Variants in RFX2 observed in about 807,000 individuals in gnomAD.
RFX2 encodes DNA-binding protein RFX2.
Under a neutral mutation model 87.8 loss-of-function variants are expected in RFX2, and 20 were observed. The observed-to-expected ratio is 0.23, with a 90% CI of 0.16 to 0.33. RFX2 has a LOEUF of 0.33. Ranked by LOEUF, RFX2 falls within the 10% of genes least tolerant of loss-of-function variation. The pLI, the probability that RFX2 is intolerant of heterozygous loss-of-function variation, is 1.00. For missense variants in RFX2, 767 were observed against 1,012.3 expected (o/e 0.76, Z 3.29); for synonymous variants, 397 against 431.3 (o/e 0.92, Z 0.98).
At chr19:6,096,320 T>C (rs1000333568) in intron 1 of RFX2, among the ~76,000 whole-genome samples, 3 of 152,236 alleles carry the variant, frequency 2.0e-5, no homozygotes, top group Non-Finnish European at 4.4e-5. Context: ...TGTGATACCC[T>C]GCAGGTTTCA....
At chr19:6,087,875 A>G (rs1212814671) in intron 1 of RFX2, among the ~76,000 whole-genome samples, 1 of 152,212 alleles carries the variant, frequency 6.6e-6, no homozygotes, top group African/African-American at 2.4e-5. Flanking sequence ...GATGGGTTAC[A>G]GGTGCTGGGT....
chr19:6,014,581 G>A (rs2086700279), intron 7 of RFX2, among the ~76,000 whole-genome samples: 1 of 152,118 alleles, frequency 6.6e-6, no homozygotes, highest in Non-Finnish European at 1.5e-5. Context: ...CAGACAGCCT[G>A]GGCCCTTTCT....
intron 1 of RFX2, among the ~76,000 whole-genome samples, chr19:6,058,570 C>T (rs1464994977): frequency 2.0e-5 from 3 of 150,848 alleles, no homozygotes; most frequent in African/African-American, 4.9e-5. Flanking sequence ...GCCTAAGCCA[C>T]GGGGGTGCCC....
At position 6,026,593 on chromosome 19, in the gene RFX2, G is replaced by C. The variant is rs1353589798; in HGVS notation, c.523-356C>G. Reference sequence around the variant, plus strand: ...ATCCATTCCAGTGTCAGCCAAGCCAGCATCATAGTCACCTGCTCCTTTCCC... The same window carrying C: ...ATCCATTCCAGTGTCAGCCAAGCCACCATCATAGTCACCTGCTCCTTTCCC... On this transcript the variant is annotated intron_variant, in intron 5 of 17. Transcript: ENST00000303657. This position sits in a 1 kb window ranked among gnomAD's most constrained non-coding sequence, Gnocchi z 4.5. 4 of 299,228 alleles carry C rather than the reference G, an allele frequency of 1.3e-5. No individual in the cohort carries two copies. The highest frequency in any genetic ancestry group is 5.0e-5 in the Admixed American group (1 of 20,108). 18.5% of individuals were successfully genotyped at this position (299,228 alleles called of 1,614,324 possible).
intron 1 of RFX2, among the ~76,000 whole-genome samples, chr19:6,093,139 C>T (rs976135973): frequency 4.6e-5 from 7 of 152,074 alleles, no homozygotes; most frequent in African/African-American, 1.7e-4. Context: ...TTCCCTGCCG[C>T]GAGTGGGCAA....
rs1191160094 is a variant in RFX2, at chr19:5,997,982, G to A, written c.1860-769C>T. ...GCAAATACTACCTGGTTCTTTCTGG[G>A]AGAGGCGGCCCCTGACCTAAAGGAT... On this transcript the variant is annotated intron_variant, in intron 15 of 17. Transcript: ENST00000303657. This position sits in a 1 kb window ranked among gnomAD's most constrained non-coding sequence, Gnocchi z 4.2. 6.6e-6 allele frequency among the ~76,000 whole-genome samples: 1 copy of A among 152,096 alleles called. No individual in the cohort carries two copies. Among genetic ancestry groups the A allele is most frequent in the Non-Finnish European group, 1.5e-5 (1 of 68,038 alleles).
intron 5 of RFX2, among the ~76,000 whole-genome samples, chr19:6,032,225 G>A (rs1486640807): frequency 1.3e-5 from 2 of 151,996 alleles, no homozygotes; most frequent in African/African-American, 2.4e-5. Flanking sequence ...AGGTTCAAGC[G>A]ATTCCCCTGC....
chr19:6,086,877 T>C (rs1420776872), intron 1 of RFX2, among the ~76,000 whole-genome samples: 1 of 152,240 alleles, frequency 6.6e-6, no homozygotes, highest in African/African-American at 2.4e-5. Flanking sequence ...TAGATTGTCA[T>C]GTAATTTTTG....
chr19:6,108,910 C>G (rs2088263097), intron 1 of RFX2, among the ~76,000 whole-genome samples: 1 of 151,582 alleles, frequency 6.6e-6, no homozygotes, highest in African/African-American at 2.4e-5. Flanking sequence ...AGCGGTGCAG[C>G]GAGGAAAACC....
chr19:6,052,802 TAATA>T (rs2087283629), intron 1 of RFX2, among the ~76,000 whole-genome samples: 1 of 152,012 alleles, frequency 6.6e-6, no homozygotes, highest in East Asian at 1.9e-4. Context: ...ATGGGTCAAA[TAATA>T]AACCCCAAAG....
intron 1 of RFX2, among the ~76,000 whole-genome samples, chr19:6,054,101 T>G (rs1266918017): frequency 6.6e-6 from 1 of 151,570 alleles, no homozygotes; most frequent in East Asian, 1.9e-4. Flanking sequence ...GAAATCAAAA[T>G]GATAATAGAG....
At chr19:6,073,136 T>C (rs1032277189) in intron 1 of RFX2, 1 of 440,590 alleles carries the variant, frequency 2.3e-6, no homozygotes, top group African/African-American at 2.0e-5. Context: ...CCCACCACCA[T>C]GCCTGGCTAG....
chr19:6,072,936 C>T, intron 1 of RFX2: 1 of 808,282 alleles, frequency 1.2e-6, no homozygotes, highest in Non-Finnish European at 2.1e-6. Context: ...GGAGGAAACC[C>T]AGAGGTATTG....
rs745379728 is a variant in RFX2, at chr19:6,024,568, G to A, written c.597+1595C>T. On this transcript the variant is annotated intron_variant, in intron 6 of 17. Coordinates refer to ENST00000303657, the MANE Select transcript of RFX2 (RefSeq NM_000635.4). This position sits in a 1 kb window ranked among gnomAD's most constrained non-coding sequence, Gnocchi z 5.0. Reference sequence around the variant, plus strand: ...GGGCAGAGGCCTCGTCAGGGGCTGCGGTGAGCAGGTGACCACACCTGTACC... The same window carrying A: ...GGGCAGAGGCCTCGTCAGGGGCTGCAGTGAGCAGGTGACCACACCTGTACC... Among the ~76,000 whole-genome samples the A allele has an allele frequency of 2.6e-4, 39 of 152,224 alleles. No homozygotes were observed. The highest frequency in any genetic ancestry group is 4.6e-4 in the Non-Finnish European group (31 of 68,040).
At chr19:6,077,351 G>T (rs1411685671) in intron 1 of RFX2, among the ~76,000 whole-genome samples, 1 of 152,180 alleles carries the variant, frequency 6.6e-6, no homozygotes, top group Non-Finnish European at 1.5e-5. Flanking sequence ...GTGTGCCAGG[G>T]GCTGAATGCA....
At position 6,063,967 on chromosome 19, in the gene RFX2, G is replaced by A. The variant is rs894892754; in HGVS notation, c.-8-16463C>T. On this transcript the variant is annotated intron_variant, in intron 1 of 17. Transcript: ENST00000303657. The surrounding 1 kb of genome is among the most constrained non-coding windows in gnomAD (Gnocchi z 4.0). ...TTCCAGATTCACCAAACCACTCTCCGTGCTTGTCCCCTCAGATTACTTCAT... is the reference window on the plus strand; with the variant it reads ...TTCCAGATTCACCAAACCACTCTCCATGCTTGTCCCCTCAGATTACTTCAT... 5.9e-5 allele frequency among the ~76,000 whole-genome samples: 9 copies of A among 152,138 alleles called. No individual in the cohort carries two copies.
chr19:6,019,148 GGC>G (rs1321371716), intron 6 of RFX2, among the ~76,000 whole-genome samples: 14 of 152,078 alleles, frequency 9.2e-5, no homozygotes, highest in Non-Finnish European at 1.3e-4. Context: ...CCATGTGCTT[GGC>G]TGTGCCCATA....
At chr19:6,049,108 C>T (rs919464526) in intron 1 of RFX2, 3 of 152,228 alleles carry the variant, frequency 2.0e-5, no homozygotes, top group Non-Finnish European at 4.4e-5. Context: ...GAGTCCTCAA[C>T]TCACTCTCTG....
intron 1 of RFX2, among the ~76,000 whole-genome samples, chr19:6,082,900 C>T (rs2087805800): frequency 6.6e-6 from 1 of 152,180 alleles, no homozygotes; most frequent in South Asian, 2.1e-4. Flanking sequence ...AGTGCTGATC[C>T]TGTCTTTATG....
Sources: allele counts gnomAD v4.1 joint callset (sites outside exome capture counted in the v4.1 genomes callset), GRCh38; gene constraint gnomAD v4.1.1; non-coding constraint Gnocchi (gnomAD v3.1); transcripts MANE v1.5; gene names NCBI Gene and HGNC (gene_info 2026-07-23, HGNC 2026-07-21).